Variants in RIC1 observed in about 807,000 individuals in gnomAD.
RIC1 encodes guanine nucleotide exchange factor subunit RIC1.
Under a neutral mutation model 169.0 loss-of-function variants are expected in RIC1, and 88 were observed. That is an observed-to-expected ratio of 0.52 (90% CI 0.44 to 0.62). The LOEUF is 0.62. Ranked by LOEUF, RIC1 falls within the 20% of genes least tolerant of loss-of-function variation. RIC1 has a pLI of 0.00. For missense variants in RIC1, 1,877 were observed against 1,725.5 expected, an observed-to-expected ratio of 1.09 and a Z score of -1.56; for synonymous variants, 790 against 601.5, an observed-to-expected ratio of 1.31 and a Z score of -4.59.
rs1279825255 is a variant in RIC1 at position 5,774,213 on chromosome 9, T to C, written c.4239T>C (p.Phe1413=). 3.1e-6 allele frequency: 5 copies of C among 1,613,144 alleles called. No individual in the cohort carries two copies. Among genetic ancestry groups the C allele is most frequent in the Non-Finnish European group, 4.2e-6 (5 of 1,179,588 alleles). ...CCCAAGCAGAGGAGGAAGAACCTTT[T>C]CAGGATGGGACTTACGACTGTTCTG... ...DTAQAEEEEP[F]QDGTYDCSVS The change falls in exon 26 of 26, where the codon TTT becomes TTC. Residue 1413 remains phenylalanine, a synonymous_variant. Transcript: ENST00000414202.
intron 2 of RIC1, among the ~76,000 whole-genome samples, chr9:5,671,081 T>C (rs1195745545): frequency 1.3e-5 from 2 of 152,040 alleles, no homozygotes; most frequent in Non-Finnish European, 2.9e-5. Flanking sequence ...ATTGGGGAAG[T>C]TGCAAATCTT....
At chr9:5,688,809 GTACATGC>G (rs1821413697) in intron 2 of RIC1, among the ~76,000 whole-genome samples, 1 of 152,066 alleles carries the variant, frequency 6.6e-6, no homozygotes, top group Non-Finnish European at 1.5e-5. Flanking sequence ...TCTACTTTGA[GTACATGC>G]CCACCTCCCT....
At chr9:5,735,880 A>G (rs1824672886) in intron 7 of RIC1, among the ~76,000 whole-genome samples, 2 of 152,216 alleles carry the variant, frequency 1.3e-5, no homozygotes, top group South Asian at 2.1e-4. Flanking sequence ...TTGTTTCAGT[A>G]TTAATGACAC....
At chr9:5,638,858 T>A (rs907106188) in intron 1 of RIC1, among the ~76,000 whole-genome samples, 8 of 152,166 alleles carry the variant, frequency 5.3e-5, no homozygotes, top group African/African-American at 1.9e-4. Context: ...TAATTTTGGG[T>A]TGTTTGCTCT....
rs146349551 is a variant in RIC1, at chr9:5,666,747, A to C, written c.252+10057A>C. ...AATGAATCCCACTTTGTCACGATGT[A>C]TGAAGTATTTGCTGAGGACTTTTGC... is the stretch of plus-strand genomic sequence containing the variant. On this transcript the variant is annotated intron_variant, in intron 2 of 25. Transcript: ENST00000414202. Among the ~76,000 whole-genome samples the C allele has an allele frequency of 3.9e-5, 6 of 152,278 alleles. No individual in the cohort carries two copies. The East Asian group carries it at 1.2e-3, about 29-fold the overall frequency.
intron 22 of RIC1, chr9:5,769,666 G>A (rs1403074698): frequency 1.8e-5 from 5 of 285,118 alleles, no homozygotes; most frequent in Non-Finnish European, 2.6e-5. Flanking sequence ...CAAACTGAAA[G>A]TGTATATTTT....
In RIC1 at chr9:5,747,479, G is replaced by A. The variant is rs757097465; in HGVS notation, c.1426G>A (p.Gly476Arg). 2 of 1,614,016 alleles carry A rather than the reference G, an allele frequency of 1.2e-6. No individual in the cohort carries two copies. The highest frequency in any genetic ancestry group is 1.1e-5 in the South Asian group (1 of 91,078). The change falls in exon 12 of 26, where the codon GGA becomes AGA. Residue 476 changes from glycine (G) to arginine (R), a missense_variant. By Grantham distance (125) the Gly-to-Arg change is moderately radical (BLOSUM62 -2). This residue lies in a region of RIC1 where 1,104 missense variants were observed against 992.0 expected (regional missense o/e 1.11). Coordinates refer to ENST00000414202, the MANE Select transcript of RIC1 (RefSeq NM_020829.4). ...GTCTCAGGGATTAAGCACTTTACTTGGACATCGGCATTGGCATGTTGTACA... is the reference window on the plus strand; with the variant it reads ...GTCTCAGGGATTAAGCACTTTACTTAGACATCGGCATTGGCATGTTGTACA... ...LESQGLSTLL[G>R]HRHWHVVQIS...
At chr9:5,740,644 G>C (rs1436612867) in intron 8 of RIC1, among the ~76,000 whole-genome samples, 1 of 150,628 alleles carries the variant, frequency 6.6e-6, no homozygotes, top group African/African-American at 2.4e-5. Context: ...ATGTAGGCTG[G>C]GGGGCTAGGC....
At chr9:5,630,449 G>A (rs964724263) in intron 1 of RIC1, among the ~76,000 whole-genome samples, 14 of 152,140 alleles carry the variant, frequency 9.2e-5, no homozygotes, top group African/African-American at 3.4e-4. Flanking sequence ...AGGTGTTCGT[G>A]AAATACTGGT....
chr9:5,641,548 A>G (rs1018693907), intron 1 of RIC1, among the ~76,000 whole-genome samples: 19 of 152,040 alleles, frequency 1.2e-4, no homozygotes, highest in African/African-American at 4.6e-4. Flanking sequence ...CTTTAAGGCC[A>G]ATACCTCTTA....
chr9:5,667,879 C>G lies in RIC1; in HGVS notation c.252+11189C>G, dbSNP rs571653858. 4.3e-4 allele frequency among the ~76,000 whole-genome samples: 65 copies of G among 152,294 alleles called. 1 individual carries two copies. The highest frequency in any genetic ancestry group is 1.4e-3 in the African/African-American group (60 of 41,570). ...TTACCCAGCTCCAAAGTTGCTTCCA[C>G]ATTTTTGGGTATCTTTATAGCAGCA... On this transcript the variant is annotated intron_variant, in intron 2 of 25. Coordinates refer to ENST00000414202, the MANE Select transcript of RIC1 (RefSeq NM_020829.4).
At chr9:5,732,118 A>G (rs750634414) in intron 6 of RIC1, among the ~76,000 whole-genome samples, 20 of 152,216 alleles carry the variant, frequency 1.3e-4, no homozygotes, top group Non-Finnish European at 2.9e-5. Flanking sequence ...ATGAATTTCC[A>G]TATTTTAGTG....
chr9:5,642,348 C>T (rs916866857), intron 1 of RIC1, among the ~76,000 whole-genome samples: 1 of 144,608 alleles, frequency 6.9e-6, no homozygotes, highest in Non-Finnish European at 1.5e-5. Flanking sequence ...GACCTGAAGC[C>T]AGCAGAGCAC....
At chr9:5,772,803 A>G in intron 24 of RIC1, 62 bp downstream of exon 24, 1 of 1,551,576 alleles carries the variant, frequency 6.4e-7, no homozygotes, top group South Asian at 1.2e-5. Context: ...GCAAATAGGT[A>G]TGGGGCTACT....
chr9:5,680,847 G>C (rs1440519253), intron 2 of RIC1, among the ~76,000 whole-genome samples: 3 of 33,606 alleles, frequency 8.9e-5, no homozygotes, highest in Non-Finnish European at 1.2e-4. Flanking sequence ...TTTTTTTTGA[G>C]ACGGAGTCTC....
intron 2 of RIC1, among the ~76,000 whole-genome samples, chr9:5,660,540 C>A (rs1489721278): frequency 6.6e-6 from 1 of 152,178 alleles, no homozygotes; most frequent in Non-Finnish European, 1.5e-5. Context: ...TTAGTAATAG[C>A]CATTCTGGCT....
rs1294255096 is a variant in RIC1, at chr9:5,774,401, A to G, written c.*155A>G. The G allele has an allele frequency of 1.7e-6, 1 of 604,174 alleles. No individual in the cohort carries two copies. The highest frequency in any genetic ancestry group is 2.6e-6 in the Non-Finnish European group (1 of 382,546). The allele number at this position is 604,174 out of a possible 1,614,324, so 37.4% of individuals were successfully genotyped here. A position where few individuals can be genotyped will look rare whatever the true frequency, so the allele number is the denominator to read the frequency against. On this transcript the variant is annotated 3_prime_UTR_variant, in exon 26 of 26. Transcript: ENST00000414202. Reference sequence around the variant, plus strand: ...TAACTAATTCTTTCTTGTCTAAGAAATCTTTTTGACTCCATAAAAATGTGA... The same window carrying G: ...TAACTAATTCTTTCTTGTCTAAGAAGTCTTTTTGACTCCATAAAAATGTGA...
chr9:5,633,960 C>CT (rs1219711148), intron 1 of RIC1, among the ~76,000 whole-genome samples: 1 of 152,122 alleles, frequency 6.6e-6, no homozygotes, highest in East Asian at 1.9e-4. Context: ...AATTTGACGT[C>CT]TTTATATTCC....
intron 8 of RIC1, 26 bp downstream of exon 8, chr9:5,738,564 T>G: frequency 7.4e-7 from 1 of 1,347,210 alleles, no homozygotes; most frequent in Non-Finnish European, 1.0e-6. Context: ...TTTTTTTTTT[T>G]TTAACATTTT....
Sources: allele counts gnomAD v4.1 joint callset (sites outside exome capture counted in the v4.1 genomes callset), GRCh38; gene constraint gnomAD v4.1.1; regional missense constraint gnomAD v4.1.1; transcripts MANE v1.5; gene names NCBI Gene and HGNC (gene_info 2026-07-23, HGNC 2026-07-21).